The following NPY variants were observed in gnomAD, a reference collection of about 807,000 sequenced individuals.
NPY encodes the protein neuropeptide Y.
A neutral mutation model predicts 13.2 loss-of-function variants in NPY; 11 were observed. The observed-to-expected ratio is 0.83, with a 90% CI of 0.52 to 1.38. The LOEUF is 1.38. Among genes scored for constraint, NPY ranks in the 40% most tolerant of loss-of-function variants. The probability of loss-of-function intolerance (pLI) is 0.00; values close to 1 mark genes in which losing one functional copy is unlikely to be tolerated. For synonymous variants in NPY, 51 were observed against 55.6 expected, an observed-to-expected ratio of 0.92 and a Z score of 0.37; for missense variants, 109 against 125.1, an observed-to-expected ratio of 0.87 and a Z score of 0.61.
chr7:24,288,881 G>A (rs138533922), intron 2 of NPY, among the ~76,000 whole-genome samples: 40 of 152,140 alleles, frequency 2.6e-4, no homozygotes, highest in East Asian at 7.7e-4. Context: ...ATTTGCATGC[G>A]TGTATCACTT....
Position 24,285,570 on chromosome 7 carries a change from G to C in NPY, c.188+142G>C. 2.5e-6 allele frequency: 2 copies of C among 802,736 alleles called. No homozygotes were observed. The highest frequency in any genetic ancestry group is 1.7e-5 in the African/African-American group (1 of 58,096). 49.7% of individuals were successfully genotyped at this position (802,736 alleles called of 1,614,324 possible). ...GTATCAGGCACTTAGTCAGCTCTAGGTAAATGTTTGTACAGGGCACACTCT... is the reference window on the plus strand; with the variant it reads ...GTATCAGGCACTTAGTCAGCTCTAGCTAAATGTTTGTACAGGGCACACTCT... On this transcript the variant is annotated intron_variant, in intron 2 of 3. Transcript: ENST00000242152. The surrounding 1 kb of genome is among the most constrained non-coding windows in gnomAD (Gnocchi z 4.9).
At chr7:24,290,228 T>G (rs1787551781) in intron 3 of NPY, among the ~76,000 whole-genome samples, 1 of 152,174 alleles carries the variant, frequency 6.6e-6, no homozygotes. Context: ...TGTCTAAGTG[T>G]TAAACATTGA....
intron 2 of NPY, among the ~76,000 whole-genome samples, chr7:24,288,423 A>T (rs191456706): frequency 6.6e-6 from 1 of 152,210 alleles, no homozygotes; most frequent in African/African-American, 2.4e-5. Context: ...TTGCTTGGCA[A>T]TTAGAATATA....
In NPY at chr7:24,289,485, T is replaced by A. The variant is rs1265753011; in HGVS notation, c.189-14T>A. On this transcript the variant is annotated splice_polypyrimidine_tract_variant and intron_variant, in intron 2 of 3. Transcript: ENST00000242152. ...CTATTCCAAACTTGCTTTAAAAGAC[T>A]TTTTTTTTTCCAGATATGGAAAACG... The A allele has an allele frequency of 7.4e-7, 1 of 1,349,496 alleles. No homozygotes were observed. The highest frequency in any genetic ancestry group is 2.3e-5 in the Admixed American group (1 of 44,206). The allele number at this position is 1,349,496 out of a possible 1,614,324, so 83.6% of individuals were successfully genotyped here.
chr7:24,286,814 G>C lies in NPY; in HGVS notation c.188+1386G>C, dbSNP rs547711454. On this transcript the variant is annotated intron_variant, in intron 2 of 3. Coordinates refer to ENST00000242152, the MANE Select transcript of NPY (RefSeq NM_000905.4). ...TCTTGCTATGTTATGCCGTCATGCA[G>C]ATCAAAGAGAACTTGTACAAACAAA... is the stretch of plus-strand genomic sequence containing the variant. Among the ~76,000 whole-genome samples, 87 of 152,298 alleles carry C rather than the reference G, an allele frequency of 5.7e-4. 2 individuals carry two copies. The South Asian group carries it at 0.012, about 21-fold the overall frequency.
In NPY at chr7:24,285,186, G is replaced by A. The variant is rs1254381408; in HGVS notation, c.1-55G>A. 3.2e-6 allele frequency: 5 copies of A among 1,583,058 alleles called. No individual in the cohort carries two copies. The East Asian group carries it at 8.9e-5, about 28-fold the overall frequency. On this transcript the variant is annotated intron_variant, in intron 1 of 3. Transcript: ENST00000242152. This position sits in a 1 kb window ranked among gnomAD's most constrained non-coding sequence, Gnocchi z 4.9. Reference sequence around the variant, plus strand: ...GCGGGGGGCAGAGGAGGGAGGTGCTGCGCGTGGGTGCTCTGAATCCCCAAG... The same window carrying A: ...GCGGGGGGCAGAGGAGGGAGGTGCTACGCGTGGGTGCTCTGAATCCCCAAG...
At position 24,285,402 on chromosome 7, in the gene NPY, C is replaced by T; in HGVS notation, c.162C>T (p.His54=). 6.2e-7 allele frequency: 1 copy of T among 1,613,572 alleles called. No homozygotes were observed. Among genetic ancestry groups the T allele is most frequent in the Non-Finnish European group, 8.5e-7 (1 of 1,179,754 alleles). Reference sequence around the variant, plus strand: ...CCAGATACTACTCGGCGCTGCGACACTACATCAACCTCATCACCAGGCAGA... The same window carrying T: ...CCAGATACTACTCGGCGCTGCGACATTACATCAACCTCATCACCAGGCAGA... The part of the protein sequence containing the change: ...DMARYYSALR[H]YINLITRQRY... The change falls in exon 2 of 4, where the codon CAC becomes CAT. Residue 54 remains histidine, a synonymous_variant. Transcript: ENST00000242152. The surrounding 1 kb of genome is among the most constrained non-coding windows in gnomAD (Gnocchi z 4.9).
At chr7:24,284,324 C>T (rs1030328630) in intron 1 of NPY, 49 bp downstream of exon 1, 1 of 152,616 alleles carries the variant, frequency 6.6e-6, no homozygotes, top group African/African-American at 2.4e-5. Context: ...ACGGGGCGCC[C>T]GCGAACTTGC....
At chr7:24,287,337 C>T (rs986173070) in intron 2 of NPY, among the ~76,000 whole-genome samples, 31 of 152,166 alleles carry the variant, frequency 2.0e-4, no homozygotes, top group African/African-American at 7.2e-4. Flanking sequence ...TTCTCCTTCC[C>T]ACCACAGACA....
Position 24,288,585 on chromosome 7 carries a change from C to A in NPY, c.189-914C>A, listed in dbSNP as rs1185352961. On this transcript the variant is annotated intron_variant, in intron 2 of 3. Transcript: ENST00000242152. ...AAGACGCAATTTGGTATAGACTTGTCTGGCCGTTTTGTAGTGTTCTGGAGT... is the reference window on the plus strand; with the variant it reads ...AAGACGCAATTTGGTATAGACTTGTATGGCCGTTTTGTAGTGTTCTGGAGT... Among the ~76,000 whole-genome samples, 3 of 148,800 alleles carry A rather than the reference C, an allele frequency of 2.0e-5. No homozygotes were observed. In the East Asian group the frequency reaches 6.1e-4, roughly 30 times the overall value.
At chr7:24,291,636 A>T (rs1787615068) in intron 3 of NPY, 27 bp from the exon 4 acceptor site, 5 of 1,613,760 alleles carry the variant, frequency 3.1e-6, no homozygotes, top group Non-Finnish European at 4.2e-6. Context: ...AGCTTTCCTT[A>T]CATGCTTTGC....
intron 2 of NPY, among the ~76,000 whole-genome samples, chr7:24,288,279 G>A (rs767601773): frequency 1.4e-4 from 22 of 152,150 alleles, no homozygotes; most frequent in Non-Finnish European, 2.4e-4. Flanking sequence ...GTCTAATATC[G>A]CAACTCCAGA....
Sources: gnomAD v4.1 joint callset for allele counts (sites outside exome capture counted in the v4.1 genomes callset) on GRCh38, gnomAD v4.1.1 for gene constraint, Gnocchi (gnomAD v3.1) non-coding constraint, MANE v1.5 for transcripts, NCBI Gene and HGNC (gene_info 2026-07-23, HGNC 2026-07-21) for gene names.